RAI1: variants seen among roughly 807,000 people sequenced by gnomAD.
RAI1 encodes retinoic acid-induced protein 1.
Under a neutral mutation model 123.8 loss-of-function variants are expected in RAI1, and 9 were observed. That is an observed-to-expected ratio of 0.07 (90% CI 0.04 to 0.13). The LOEUF (loss-of-function observed/expected upper bound fraction) is 0.13, where lower values mean the gene tolerates loss of function less well. Among genes scored for constraint, RAI1 ranks in the 10% least tolerant of loss-of-function variants. The pLI, the probability that RAI1 is intolerant of heterozygous loss-of-function variation, is 1.00. For synonymous variants in RAI1, 1,231 were observed against 1,127.3 expected (o/e 1.09, Z -1.84); for missense variants, 2,256 against 2,545.8 (o/e 0.89, Z 2.45).
chr17:17,772,384 C>T (rs1306084221), intron 2 of RAI1, among the ~76,000 whole-genome samples: 3 of 152,186 alleles, frequency 2.0e-5, no homozygotes, highest in Admixed American at 6.5e-5. Context: ...CTGGCCTCCC[C>T]TCTCACCCCC....
intron 2 of RAI1, among the ~76,000 whole-genome samples, chr17:17,769,660 G>C (rs2031073103): frequency 6.6e-6 from 1 of 152,164 alleles, no homozygotes; most frequent in South Asian, 2.1e-4. Context: ...TGGGGAGGGG[G>C]CCAGATGGGC....
chr17:17,748,310 G>A (rs1178966856), intron 2 of RAI1, among the ~76,000 whole-genome samples: 2 of 152,200 alleles, frequency 1.3e-5, no homozygotes, highest in East Asian at 3.8e-4. Context: ...GGAGCTGAGG[G>A]CCCAGTAAAA....
Position 17,798,202 on chromosome 17 carries a change from G to A in RAI1, c.5254G>A (p.Gly1752Arg), listed in dbSNP as rs755572135. ...GPECAAAATA[G>R]KPPRPDGPAD... is the part of the protein sequence containing the mutation. ...CGAGTGTGCAGCTGCCGCCACTGCCGGGAAGCCCCCCAGGCCTGACGGCCC... is the reference window on the plus strand; with the variant it reads ...CGAGTGTGCAGCTGCCGCCACTGCCAGGAAGCCCCCCAGGCCTGACGGCCC... Residue 1752 changes from glycine to arginine, a missense_variant, in exon 3 of 6, where the codon GGG becomes AGG. Physicochemically the swap from Gly to Arg is moderately radical, Grantham distance 125. Coordinates refer to ENST00000353383, the MANE Select transcript of RAI1 (RefSeq NM_030665.4). 141 of 1,612,490 alleles carry A rather than the reference G, an allele frequency of 8.7e-5. No individual in the cohort carries two copies. The highest frequency in any genetic ancestry group is 1.0e-4 in the Admixed American group (6 of 59,976).
chr17:17,754,897 T>C (rs1270912622), intron 2 of RAI1, among the ~76,000 whole-genome samples: 1 of 152,188 alleles, frequency 6.6e-6, no homozygotes, highest in African/African-American at 2.4e-5. Context: ...GTCCATTTTA[T>C]AGATCAGGAA....
chr17:17,706,570 G>A (rs1319345479), intron 1 of RAI1, among the ~76,000 whole-genome samples: 1 of 152,220 alleles, frequency 6.6e-6, no homozygotes, highest in Non-Finnish European at 1.5e-5. Flanking sequence ...AGAGGGAGCC[G>A]GGGACTGGAT....
chr17:17,796,522 A>G lies in RAI1; in HGVS notation c.3574A>G (p.Ser1192Gly). The change falls in exon 3 of 6, where the codon AGC (serine) becomes GGC (glycine). Residue 1192 changes from serine to glycine, a missense_variant. Ser to Gly is a moderately conservative substitution (Grantham distance 56). Coordinates refer to ENST00000353383, the MANE Select transcript of RAI1 (RefSeq NM_030665.4). The surrounding 1 kb of genome is among the most constrained non-coding windows in gnomAD (Gnocchi z 5.8). The part of the protein sequence containing the change: ...HLPATFKVSS[S>G]PQKEGRVSQR... ...GCCCGCCACATTCAAGGTCTCCAGCAGCCCCCAGAAGGAGGGCAGGGTGAG... is the reference window on the plus strand; with the variant it reads ...GCCCGCCACATTCAAGGTCTCCAGCGGCCCCCAGAAGGAGGGCAGGGTGAG... 2 of 1,611,108 alleles carry G rather than the reference A, an allele frequency of 1.2e-6. No individual in the cohort carries two copies. The highest frequency in any genetic ancestry group is 1.7e-6 in the Non-Finnish European group (2 of 1,179,902).
At chr17:17,709,396 G>A (rs1168398765) in intron 1 of RAI1, among the ~76,000 whole-genome samples, 1 of 151,996 alleles carries the variant, frequency 6.6e-6, no homozygotes, top group East Asian at 1.9e-4. Context: ...CCCTTTGCTG[G>A]CCCCCAAATA....
At chr17:17,690,881 G>A (rs907010635) in intron 1 of RAI1, among the ~76,000 whole-genome samples, 5 of 152,124 alleles carry the variant, frequency 3.3e-5, no homozygotes, top group Non-Finnish European at 7.3e-5. Context: ...GCAGGGATGG[G>A]GAATCAGAGC....
At chr17:17,732,945 C>G (rs773215861) in intron 2 of RAI1, among the ~76,000 whole-genome samples, 3 of 152,142 alleles carry the variant, frequency 2.0e-5, no homozygotes, top group Non-Finnish European at 4.4e-5. Flanking sequence ...TTTGGCCAGC[C>G]CAGGCTTTTA....
In RAI1 at chr17:17,681,635, A is replaced by C; in HGVS notation, c.-307A>C. ...AGCAGGCCGCCCTGCCCGCGGCCCT[A>C]GCGCCGGCGCGAGGAGGGGGCGCCG... On this transcript the variant is annotated 5_prime_UTR_variant, in exon 1 of 6. Coordinates refer to ENST00000353383, the MANE Select transcript of RAI1 (RefSeq NM_030665.4). 2.0e-5 allele frequency: 4 copies of C among 204,472 alleles called. No individual in the cohort carries two copies. Among genetic ancestry groups the C allele is most frequent in the Non-Finnish European group, 1.9e-5 (2 of 105,022 alleles). 12.7% of individuals were successfully genotyped at this position (204,472 alleles called of 1,614,324 possible).
chr17:17,772,137 G>C (rs1474882610), intron 2 of RAI1, among the ~76,000 whole-genome samples: 1 of 152,200 alleles, frequency 6.6e-6, no homozygotes, highest in Non-Finnish European at 1.5e-5. Context: ...GGGAGGTTGG[G>C]TGAGGCATCT....
At chr17:17,781,740 G>A (rs765280915) in intron 2 of RAI1, among the ~76,000 whole-genome samples, 38 of 152,246 alleles carry the variant, frequency 2.5e-4, no homozygotes, top group Non-Finnish European at 4.9e-4. Flanking sequence ...CCTCAAAGTT[G>A]TTGGTACGGC....
chr17:17,764,433 TCA>T (rs1402133343), intron 2 of RAI1, among the ~76,000 whole-genome samples: 1 of 151,536 alleles, frequency 6.6e-6, no homozygotes, highest in African/African-American at 2.4e-5. Flanking sequence ...CCTTTGAGTT[TCA>T]CAGACATGAA....
chr17:17,740,539 C>G (rs1916589262), intron 2 of RAI1, among the ~76,000 whole-genome samples: 2 of 152,174 alleles, frequency 1.3e-5, no homozygotes, highest in Admixed American at 6.5e-5. Context: ...GGTACAGGCA[C>G]TTCTCTAAGG....
intron 1 of RAI1, among the ~76,000 whole-genome samples, chr17:17,718,796 T>C (rs1175106582): frequency 6.6e-6 from 1 of 152,134 alleles, no homozygotes; most frequent in Non-Finnish European, 1.5e-5. Context: ...CAGCTCCTGG[T>C]ACAGTCATTA....
At position 17,714,587 on chromosome 17, in the gene RAI1, G is replaced by C. The variant is rs1915656618; in HGVS notation, c.-148-9441G>C. Among the ~76,000 whole-genome samples, 1 of 152,152 alleles carries C rather than the reference G, an allele frequency of 6.6e-6. No homozygotes were observed. The highest frequency in any genetic ancestry group is 1.5e-5 in the Non-Finnish European group (1 of 68,036). ...TCACCAGCAAATCCCGGGCCCTGCT[G>C]TTCTTCCCCATTTTAAAGGTGAAAA... On this transcript the variant is annotated intron_variant, in intron 1 of 5. Transcript: ENST00000353383. This position sits in a 1 kb window ranked among gnomAD's most constrained non-coding sequence, Gnocchi z 4.9.
intron 4 of RAI1, chr17:17,804,241 G>A (rs1413719815): frequency 9.3e-6 from 3 of 322,334 alleles, no homozygotes; most frequent in African/African-American, 6.5e-5. Flanking sequence ...CAAGGGGAAA[G>A]GCACTACTAC....
At chr17:17,717,561 C>T (rs1040339158) in intron 1 of RAI1, among the ~76,000 whole-genome samples, 4 of 152,136 alleles carry the variant, frequency 2.6e-5, no homozygotes, top group Admixed American at 2.0e-4. Flanking sequence ...CTTCTCTCTT[C>T]TCCTACCCTT....
chr17:17,702,911 T>G (rs1216850838), intron 1 of RAI1, among the ~76,000 whole-genome samples: 1 of 152,232 alleles, frequency 6.6e-6, no homozygotes, highest in African/African-American at 2.4e-5. Flanking sequence ...AGCCTGTGTT[T>G]GTAACTGCGG....
Sources: allele counts gnomAD v4.1 joint callset (sites outside exome capture counted in the v4.1 genomes callset), GRCh38; gene constraint gnomAD v4.1.1; non-coding constraint Gnocchi (gnomAD v3.1); transcripts MANE v1.5; gene names NCBI Gene and HGNC (gene_info 2026-07-23, HGNC 2026-07-21).